FBN3: variants seen among roughly 807,000 people sequenced by gnomAD.
FBN3 encodes fibrillin 3.
In FBN3, 234 loss-of-function variants were observed where a neutral mutation model predicts 330.1. The ratio of observed to expected loss-of-function variants is 0.71; its 90% CI spans 0.64 to 0.79. The LOEUF is 0.79. Among genes scored for constraint, FBN3 ranks in the 30% least tolerant of loss-of-function variants. The pLI is 0.00. For missense variants in FBN3, 3,606 were observed against 3,886.9 expected (o/e 0.93, Z 1.92); for synonymous variants, 1,458 against 1,517.3 (o/e 0.96, Z 0.91).
chr19:8,092,707 CAAAAAAAAAAAA>C (rs33973797), intron 47 of FBN3, among the ~76,000 whole-genome samples: 2 of 70,160 alleles, frequency 2.9e-5, no homozygotes, highest in African/African-American at 5.0e-5. Context: ...GAGACTCCAC[CAAAAAAAAAAAA>C]AAAAAAAAAA....
At chr19:8,132,859 C>G in intron 14 of FBN3, 125 bp downstream of exon 14, 2 of 1,076,904 alleles carry the variant, frequency 1.9e-6, no homozygotes, top group Non-Finnish European at 2.6e-6. Context: ...TTTCTCCCTG[C>G]CCCTTCTCTT....
Position 8,088,187 on chromosome 19 carries a change from G to T in FBN3, c.6377-8C>A. The stretch of plus-strand genomic sequence containing the variant: ...CAGAGCACTCGTCTGTGTCTGGGTG[G>T]GAGTAAGGGGGTGGTCAGCACCTGC... On this transcript the variant is annotated splice_polypyrimidine_tract_variant and splice_region_variant and intron_variant, in intron 51 of 63. Coordinates refer to ENST00000600128, the MANE Select transcript of FBN3 (RefSeq NM_032447.5). 1.3e-6 allele frequency: 2 copies of T among 1,582,926 alleles called. No homozygotes were observed. Among genetic ancestry groups the T allele is most frequent in the Non-Finnish European group, 1.7e-6 (2 of 1,161,960 alleles).
intron 49 of FBN3, 69 bp from the exon 50 acceptor site, chr19:8,090,028 G>A: frequency 6.3e-7 from 1 of 1,599,450 alleles, no homozygotes; most frequent in Non-Finnish European, 8.5e-7. Flanking sequence ...TGCAGGGAAG[G>A]ATGAGAGAAG....
In FBN3 at chr19:8,075,312, G is replaced by A. The variant is rs760093631; in HGVS notation, c.7553C>T (p.Thr2518Ile). 1.9e-6 allele frequency: 3 copies of A among 1,614,148 alleles called. No homozygotes were observed. The highest frequency in any genetic ancestry group is 2.5e-6 in the Non-Finnish European group (3 of 1,179,994). ...ACAGCCATGGCCTGAGCTGACCAGG[G>A]TGAAGCCTTGGTGGCATTCACAGCG... ...SFRCECHQGFTLVSSGHGCED... is the reference protein window; with the variant it reads ...SFRCECHQGFILVSSGHGCED... Residue 2518 changes from threonine to isoleucine, a missense_variant, in exon 60 of 64, where the codon ACC (threonine) becomes ATC (isoleucine). Coordinates refer to ENST00000600128, the MANE Select transcript of FBN3 (RefSeq NM_032447.5).
At position 8,080,604 on chromosome 19, in the gene FBN3, A is replaced by G. The variant is rs879131050; in HGVS notation, c.7453+399T>C. Among the ~76,000 whole-genome samples, 5 of 152,116 alleles carry G rather than the reference A, an allele frequency of 3.3e-5. No homozygotes were observed. In the South Asian group the frequency reaches 6.2e-4, roughly 19 times the overall value. On this transcript the variant is annotated intron_variant, in intron 59 of 63. Coordinates refer to ENST00000600128, the MANE Select transcript of FBN3 (RefSeq NM_032447.5). ...ATCACCCCCATGTCCCCAATGTCCA[A>G]TACACACCGGGTGCTTGATACTATT...
At chr19:8,135,129 C>T (rs1012636009) in intron 13 of FBN3, among the ~76,000 whole-genome samples, 2 of 151,154 alleles carry the variant, frequency 1.3e-5, no homozygotes, top group African/African-American at 2.4e-5. Context: ...CAGGCACCTG[C>T]CACCATGCCA....
chr19:8,125,973 G>C lies in FBN3; in HGVS notation c.2650C>G (p.Arg884Gly), dbSNP rs370057380. The C allele has an allele frequency of 2.4e-5, 39 of 1,613,772 alleles. No individual in the cohort carries two copies. The highest frequency in any genetic ancestry group is 3.1e-5 in the Non-Finnish European group (37 of 1,179,996). Reference protein sequence around the residue: ...ESFPGVCPNGRCVNTAGSFRC... With the variant: ...ESFPGVCPNGGCVNTAGSFRC... ...AAAGACCCAGCAGTGTTGACGCAAC[G>C]CCCGTTGGGACAGACTCCCGGGAAG... The change falls in exon 22 of 64, where the codon CGT (arginine) becomes GGT (glycine). Residue 884 changes from arginine (R) to glycine (G), a missense_variant. Arg to Gly is a moderately radical substitution (Grantham distance 125). Coordinates refer to ENST00000600128, the MANE Select transcript of FBN3 (RefSeq NM_032447.5).
At chr19:8,099,813 C>G (rs1229417423) in intron 41 of FBN3, among the ~76,000 whole-genome samples, 3 of 151,676 alleles carry the variant, frequency 2.0e-5, no homozygotes, top group Non-Finnish European at 4.4e-5. Context: ...GAGTTCGAGA[C>G]CAGCCTGACC....
chr19:8,108,617 C>T (rs2082502464), intron 36 of FBN3, among the ~76,000 whole-genome samples: 1 of 152,084 alleles, frequency 6.6e-6, no homozygotes, highest in Non-Finnish European at 1.5e-5. Flanking sequence ...GACATTCACA[C>T]ACGCATACAC....
At chr19:8,136,594 G>A (rs2083287496) in intron 10 of FBN3, 63 bp from the exon 11 acceptor site, 2 of 1,600,484 alleles carry the variant, frequency 1.2e-6, no homozygotes, top group African/African-American at 2.7e-5. Flanking sequence ...CTGGAGCCTG[G>A]GCTTCACCTC....
intron 63 of FBN3, among the ~76,000 whole-genome samples, chr19:8,068,373 A>T (rs919782578): frequency 7.5e-5 from 11 of 147,382 alleles, no homozygotes; most frequent in Non-Finnish European, 1.6e-4. Context: ...CCTGGGCGAC[A>T]GAGCAAGACT....
intron 47 of FBN3, among the ~76,000 whole-genome samples, chr19:8,093,419 C>A (rs903986625): frequency 6.6e-6 from 1 of 151,952 alleles, no homozygotes; most frequent in Non-Finnish European, 1.5e-5. Context: ...GTCAGGAGAT[C>A]GAGAGCATCC....
At chr19:8,130,945 AT>A (rs1321328411) in intron 16 of FBN3, among the ~76,000 whole-genome samples, 1 of 152,078 alleles carries the variant, frequency 6.6e-6, no homozygotes, top group Non-Finnish European at 1.5e-5. Context: ...TGACGCCTCT[AT>A]GAGCCAAGAA....
At chr19:8,124,037 A>G in intron 22 of FBN3, 29 bp from the exon 23 acceptor site, 1 of 1,539,714 alleles carries the variant, frequency 6.5e-7, no homozygotes, top group Non-Finnish European at 8.9e-7. Flanking sequence ...CTGCGTCCCC[A>G]CCCCTGCCAC....
At chr19:8,122,201 G>A (rs1352820362) in intron 24 of FBN3, among the ~76,000 whole-genome samples, 1 of 151,890 alleles carries the variant, frequency 6.6e-6, no homozygotes, top group Non-Finnish European at 1.5e-5. Flanking sequence ...TTTTTGCAGA[G>A]ATGGAGGTCT....
At chr19:8,115,354 G>A (rs559251918) in intron 30 of FBN3, among the ~76,000 whole-genome samples, 161 bp downstream of exon 30, 5 of 152,318 alleles carry the variant, frequency 3.3e-5, no homozygotes, top group East Asian at 1.9e-4. Context: ...CCGGGGCACT[G>A]TATAGGACTC....
chr19:8,135,935 T>TGGGGGGGGGGGGGGGGGGGGGGGG, intron 13 of FBN3, 26 bp downstream of exon 13: 12 of 1,344,156 alleles, frequency 8.9e-6, no homozygotes, highest in South Asian at 1.3e-5. Context: ...CGGAAGCCCC[T>TGGGGGGGGGGGGGGGGGGGGGGGG]GCCCACCCGC....
Position 8,129,902 on chromosome 19 carries a change from A to AT in FBN3, c.2045-538dup, listed in dbSNP as rs886501395. Among the ~76,000 whole-genome samples, 792 of 144,866 alleles carry AT rather than the reference A, an allele frequency of 5.5e-3. 3 individuals carry two copies. The highest frequency in any genetic ancestry group is 0.027 in the East Asian group (132 of 4,866). The stretch of plus-strand genomic sequence containing the variant: ...GCGAGACCCATGTCTATAAAAAGCA[A>AT]TTTTTTTTTTTTTGAGATAGGGTCT... On this transcript the variant is annotated intron_variant, in intron 16 of 63. Transcript: ENST00000600128. This position sits in a 1 kb window ranked among gnomAD's most constrained non-coding sequence, Gnocchi z 4.5.
chr19:8,133,298 C>T (rs542722227), intron 13 of FBN3, among the ~76,000 whole-genome samples, 192 bp from the exon 14 acceptor site: 20 of 152,306 alleles, frequency 1.3e-4, no homozygotes, highest in Non-Finnish European at 2.2e-4. Flanking sequence ...CCCCGGGGCA[C>T]GACCCCTGTC....
Sources: gnomAD v4.1 joint callset for allele counts (sites outside exome capture counted in the v4.1 genomes callset) on GRCh38, gnomAD v4.1.1 for gene constraint, Gnocchi (gnomAD v3.1) non-coding constraint, MANE v1.5 for transcripts, NCBI Gene and HGNC (gene_info 2026-07-23, HGNC 2026-07-21) for gene names.